Variants in ZNF511 observed in about 807,000 individuals in gnomAD.
The protein encoded by ZNF511 is zinc finger protein 511.
ZNF511 carries 26 observed loss-of-function variants against 24.8 expected under a neutral mutation model. The ratio of observed to expected loss-of-function variants is 1.05; its 90% CI spans 0.77 to 1.46. The LOEUF is 1.46. Ranked by LOEUF, ZNF511 falls within the 40% of genes most tolerant of loss-of-function variation. The pLI, the probability that ZNF511 is intolerant of heterozygous loss-of-function variation, is 0.00. For missense variants in ZNF511, 358 were observed against 345.0 expected, an observed-to-expected ratio of 1.04 and a Z score of -0.30; for synonymous variants, 144 against 139.6, an observed-to-expected ratio of 1.03 and a Z score of -0.22.
At chr10:133,310,953 C>T (rs953649340) in intron 4 of ZNF511, among the ~76,000 whole-genome samples, 4 of 152,082 alleles carry the variant, frequency 2.6e-5, no homozygotes, top group East Asian at 1.9e-4. Context: ...CAACACGCAT[C>T]GCCGCACTCG....
intron 4 of ZNF511, 191 bp downstream of exon 4, chr10:133,310,479 G>A (rs41283331): frequency 0.026 from 17,974 of 701,538 alleles, 306 homozygotes; most frequent in Non-Finnish European, 0.033. Flanking sequence ...CTGCCGAAGG[G>A]AGGCTGGAGG....
intron 4 of ZNF511, 133 bp downstream of exon 4, chr10:133,310,421 C>T: frequency 1.7e-6 from 2 of 1,145,086 alleles, no homozygotes; most frequent in East Asian, 2.5e-5. Flanking sequence ...CCTGCAGGTA[C>T]CTGAAGCCCT....
At position 133,310,320 on chromosome 10, in the gene ZNF511, CT is replaced by C. The variant is rs748151168; in HGVS notation, c.554+36del. On this transcript the variant is annotated intron_variant, in intron 4 of 5. Transcript: ENST00000361518. The stretch of plus-strand genomic sequence containing the variant: ...AGCCGCCAGGCTCAGCACGTGTCTG[CT>C]TTTGATTTTAGGAAAAGGTTTCCAA... The C allele has an allele frequency of 2.9e-5, 47 of 1,611,660 alleles. No individual in the cohort carries two copies. The African/African-American group carries it at 5.4e-4, about 18-fold the overall frequency.
At chr10:133,309,634 AACTT>A (rs1847941386) in intron 2 of ZNF511, 138 bp from the exon 3 acceptor site, 2 of 1,267,440 alleles carry the variant, frequency 1.6e-6, no homozygotes, top group African/African-American at 2.9e-5. Flanking sequence ...CTGTTTGTGA[AACTT>A]AATTCATAAA....
rs1847918283 is a variant in ZNF511, at chr10:133,309,098, T to C, written c.153+2T>C. 18 of 1,315,826 alleles carry C rather than the reference T, an allele frequency of 1.4e-5. No individual in the cohort carries two copies. The highest frequency in any genetic ancestry group is 1.8e-5 in the Non-Finnish European group (18 of 1,027,540). 81.5% of individuals were successfully genotyped at this position (1,315,826 alleles called of 1,614,324 possible). On this transcript the variant is annotated splice_donor_variant, in intron 1 of 5. Transcript: ENST00000361518. LOFTEE classifies it high-confidence loss of function. ...CCGCGGGAGCACCAGTTCTTCGAGG[T>C]GCGTGAGCAAAAGAGGGAAAAAGTA...
At chr10:133,309,331 T>C in intron 1 of ZNF511, 59 bp from the exon 2 acceptor site, 1 of 1,572,744 alleles carries the variant, frequency 6.4e-7, no homozygotes, top group Non-Finnish European at 8.6e-7. Flanking sequence ...GGGCGAGGCC[T>C]GACGCGGTGG....
At chr10:133,309,255 T>A in intron 1 of ZNF511, 135 bp from the exon 2 acceptor site, 1 of 1,271,522 alleles carries the variant, frequency 7.9e-7, no homozygotes, top group Non-Finnish European at 1.1e-6. Flanking sequence ...GGCCGGAACG[T>A]GGAGTGGGCG....
chr10:133,310,630 C>T (rs1335945824), intron 4 of ZNF511: 4 of 334,406 alleles, frequency 1.2e-5, no homozygotes, highest in Non-Finnish European at 2.3e-5. Context: ...CATCCGCACT[C>T]ACACCCCTCG....
In ZNF511 at chr10:133,309,101, G is replaced by A. The variant is rs759671652; in HGVS notation, c.153+5G>A. ...CGGGAGCACCAGTTCTTCGAGGTGC[G>A]TGAGCAAAAGAGGGAAAAAGTAGTT... is the stretch of plus-strand genomic sequence containing the variant. On this transcript the variant is annotated splice_donor_5th_base_variant and intron_variant, in intron 1 of 5. Coordinates refer to ENST00000361518, the MANE Select transcript of ZNF511 (RefSeq NM_145806.4). 2.4e-5 allele frequency: 32 copies of A among 1,318,872 alleles called. No individual in the cohort carries two copies. The highest frequency in any genetic ancestry group is 3.0e-5 in the Non-Finnish European group (31 of 1,029,192). 81.7% of individuals were successfully genotyped at this position (1,318,872 alleles called of 1,614,324 possible).
In ZNF511 at chr10:133,311,805, C is replaced by G; in HGVS notation, c.644C>G (p.Pro215Arg). The G allele has an allele frequency of 6.2e-7, 1 of 1,613,438 alleles. No individual in the cohort carries two copies. The highest frequency in any genetic ancestry group is 8.5e-7 in the Non-Finnish European group (1 of 1,180,048). ...EICSEPVAAS[P>R]APAGERRIYR... ...TGCTCTGAGCCTGTGGCAGCCTCCC[C>G]TGCACCGGCAGGTGAGAGGCGGATC... The change falls in exon 5 of 6, where the codon CCT becomes CGT. Residue 215 changes from proline (P) to arginine (R), a missense_variant. Coordinates refer to ENST00000361518, the MANE Select transcript of ZNF511 (RefSeq NM_145806.4).
rs904947123 is a variant in ZNF511 at position 133,309,299 on chromosome 10, G to A, written c.154-91G>A. On this transcript the variant is annotated intron_variant, in intron 1 of 5. Coordinates refer to ENST00000361518, the MANE Select transcript of ZNF511 (RefSeq NM_145806.4). ...GGCTGTGGGGCGGGACCGGAGCGCG[G>A]GATGACTGGGGCCACGGGTGTGGGC... The A allele has an allele frequency of 1.2e-5, 18 of 1,481,044 alleles. No individual in the cohort carries two copies. The African/African-American group carries it at 1.7e-4, about 14-fold the overall frequency. The allele number at this position is 1,481,044 out of a possible 1,614,324, so 91.7% of individuals were successfully genotyped here.
chr10:133,310,376 A>G, intron 4 of ZNF511, 88 bp downstream of exon 4: 1 of 1,542,194 alleles, frequency 6.5e-7, no homozygotes, highest in African/African-American at 1.4e-5. Context: ...GGTCAGACTT[A>G]TTAAGCACTT....
chr10:133,309,822 G>A lies in ZNF511; in HGVS notation c.274G>A (p.Asp92Asn), dbSNP rs1351216523. The A allele has an allele frequency of 3.7e-6, 6 of 1,613,468 alleles. No individual in the cohort carries two copies. Among genetic ancestry groups the A allele is most frequent in the Middle Eastern group, 1.7e-4 (1 of 6,016 alleles). The part of the protein sequence containing the change: ...CQVAGCCQVF[D>N]ALDDYEHHYH... Reference sequence around the variant, plus strand: ...GGTGGCCGGCTGCTGCCAGGTGTTCGATGCCCTGGACGACTACGAGCACCA... The same window carrying A: ...GGTGGCCGGCTGCTGCCAGGTGTTCAATGCCCTGGACGACTACGAGCACCA... Residue 92 changes from aspartate (D) to asparagine (N), a missense_variant, in exon 3 of 6, where the codon GAT becomes AAT. By Grantham distance (23) the Asp-to-Asn change is conservative. Transcript: ENST00000361518.
In ZNF511 at chr10:133,310,155, C is replaced by G. The variant is rs759362977; in HGVS notation, c.430-9C>G. ...GGGTCAGAGGGAGGTGACACGGTCT[C>G]CATTTCAGTATCAGTGCTTGGTAGA... On this transcript the variant is annotated splice_polypyrimidine_tract_variant and intron_variant, in intron 3 of 5. Coordinates refer to ENST00000361518, the MANE Select transcript of ZNF511 (RefSeq NM_145806.4). The G allele has an allele frequency of 6.2e-6, 10 of 1,613,592 alleles. No individual in the cohort carries two copies. The highest frequency in any genetic ancestry group is 8.5e-6 in the Non-Finnish European group (10 of 1,180,022).
At position 133,313,108 on chromosome 10, in the gene ZNF511, G is replaced by T. The variant is rs1265658667; in HGVS notation, c.*242G>T. 1 of 905,758 alleles carries T rather than the reference G, an allele frequency of 1.1e-6. No individual in the cohort carries two copies. The highest frequency in any genetic ancestry group is 3.3e-5 in the Admixed American group (1 of 30,490). The allele number at this position is 905,758 out of a possible 1,614,324, so 56.1% of individuals were successfully genotyped here. A position where few individuals can be genotyped will look rare whatever the true frequency, so the allele number is the denominator to read the frequency against. The stretch of plus-strand genomic sequence containing the variant: ...TGTGGACGGCCTGTCTCCTCCTGCA[G>T]GGCCCACCCTAAGAATGTATTTTTA... On this transcript the variant is annotated 3_prime_UTR_variant, in exon 6 of 6. Coordinates refer to ENST00000361518, the MANE Select transcript of ZNF511 (RefSeq NM_145806.4).
At position 133,309,015 on chromosome 10, in the gene ZNF511, GC is replaced by G; in HGVS notation, c.73del (p.Arg25GlyfsTer40). 7.9e-7 allele frequency: 1 copy of G among 1,261,238 alleles called. No individual in the cohort carries two copies. Among genetic ancestry groups the G allele is most frequent in the Non-Finnish European group, 1.0e-6 (1 of 996,628 alleles). The allele number at this position is 1,261,238 out of a possible 1,614,324, so 78.1% of individuals were successfully genotyped here. A position where few individuals can be genotyped will look rare whatever the true frequency, so the allele number is the denominator to read the frequency against. On this transcript the variant is annotated frameshift_variant, in exon 1 of 6. Coordinates refer to ENST00000361518, the MANE Select transcript of ZNF511 (RefSeq NM_145806.4). LOFTEE classifies it high-confidence loss of function. ...GGGCGGCGGAGCCGCTGCCTGTAGAGCGGGATCCCGCGGCTGGGGCCGCGCC... is the reference window on the plus strand; with the variant it reads ...GGGCGGCGGAGCCGCTGCCTGTAGAGGGGATCCCGCGGCTGGGGCCGCGCC... ...PGAAEPLPVE[R>X]DPAAGAAPFR...
At position 133,308,932 on chromosome 10, in the gene ZNF511, G is replaced by GCGCCCGGGGTGATGCAGTTGC; in HGVS notation, c.-10_11dup. 1 of 1,219,908 alleles carries GCGCCCGGGGTGATGCAGTTGC rather than the reference G, an allele frequency of 8.2e-7. No individual in the cohort carries two copies. The highest frequency in any genetic ancestry group is 4.1e-5 in the South Asian group (1 of 24,266). 75.6% of individuals were successfully genotyped at this position (1,219,908 alleles called of 1,614,324 possible). ...GGTGGCCGACAGGCTGCGCCCGCCC[G>GCGCCCGGGGTGATGCAGTTGC]CGCCCGGGGTGATGCAGTTGCCCCC... On this transcript the variant is annotated 5_prime_UTR_variant, in exon 1 of 6. In the 5' UTR this introduces an upstream ATG that the reference lacks. Transcript: ENST00000361518.
In ZNF511 at chr10:133,311,664, C is replaced by T. The variant is rs377640654; in HGVS notation, c.555-52C>T. 172 of 1,479,182 alleles carry T rather than the reference C, an allele frequency of 1.2e-4. 1 individual carries two copies. The highest frequency in any genetic ancestry group is 2.1e-4 in the Admixed American group (11 of 52,978). The allele number at this position is 1,479,182 out of a possible 1,614,324, so 91.6% of individuals were successfully genotyped here. A position where few individuals can be genotyped will look rare whatever the true frequency, so the allele number is the denominator to read the frequency against. Reference sequence around the variant, plus strand: ...CTTGCATGTTCATTTCTGGGGAACACAGGGGCTGTGGGAGCCGTGCAGGGC... The same window carrying T: ...CTTGCATGTTCATTTCTGGGGAACATAGGGGCTGTGGGAGCCGTGCAGGGC... On this transcript the variant is annotated intron_variant, in intron 4 of 5. Coordinates refer to ENST00000361518, the MANE Select transcript of ZNF511 (RefSeq NM_145806.4).
At position 133,312,973 on chromosome 10, in the gene ZNF511, C is replaced by T. The variant is rs75714358; in HGVS notation, c.*107C>T. The T allele has an allele frequency of 4.7e-4, 726 of 1,560,986 alleles. 4 individuals are homozygous for T. The East Asian group carries it at 0.014, about 29-fold the overall frequency. On this transcript the variant is annotated 3_prime_UTR_variant, in exon 6 of 6. Transcript: ENST00000361518. ...GGCCGCCCTGGGGGCCAGGCCCTCGCCATCCTCCCCATCCTTGTTCCTCAG... is the reference window on the plus strand; with the variant it reads ...GGCCGCCCTGGGGGCCAGGCCCTCGTCATCCTCCCCATCCTTGTTCCTCAG...
Sources: allele counts gnomAD v4.1 joint callset (sites outside exome capture counted in the v4.1 genomes callset), GRCh38; gene constraint gnomAD v4.1.1; transcripts MANE v1.5; gene names NCBI Gene and HGNC (gene_info 2026-07-23, HGNC 2026-07-21).